The following EBF1 variants were observed in gnomAD, a reference collection of about 807,000 sequenced individuals.
The protein encoded by EBF1 is EBF transcription factor 1.
Under a neutral mutation model 68.4 loss-of-function variants are expected in EBF1, and 10 were observed. The observed-to-expected ratio is 0.15, with a 90% CI of 0.09 to 0.25. EBF1 has a LOEUF of 0.25. EBF1 is among the 10% of genes least tolerant of loss of function. EBF1 has a pLI of 1.00. For missense variants in EBF1, 509 were observed against 794.4 expected, an observed-to-expected ratio of 0.64 and a Z score of 4.32; for synonymous variants, 298 against 299.8, an observed-to-expected ratio of 0.99 and a Z score of 0.06.
chr5:159,002,520 C>G (rs1762740675), intron 6 of EBF1, among the ~76,000 whole-genome samples: 2 of 152,150 alleles, frequency 1.3e-5, no homozygotes, highest in Non-Finnish European at 2.9e-5. Flanking sequence ...AAAGAAATCT[C>G]CACCCTTTTC....
chr5:159,047,825 A>T (rs1772735841), intron 6 of EBF1, among the ~76,000 whole-genome samples: 1 of 152,154 alleles, frequency 6.6e-6, no homozygotes, highest in Non-Finnish European at 1.5e-5. Context: ...GTAAATTCAT[A>T]GAAGCCTGTC....
chr5:159,096,218 G>C (rs1193037103), intron 3 of EBF1, 125 bp downstream of exon 3: 16 of 1,035,714 alleles, frequency 1.5e-5, no homozygotes, highest in Non-Finnish European at 1.4e-6. Flanking sequence ...AGGAGAGGCT[G>C]GTTCACCTCA....
At chr5:158,771,287 C>A (rs1212181961) in intron 10 of EBF1, among the ~76,000 whole-genome samples, 1 of 152,200 alleles carries the variant, frequency 6.6e-6, no homozygotes, top group East Asian at 1.9e-4. Context: ...CATACATTAA[C>A]CCTTTTACTC....
rs137998636 is a variant in EBF1, at chr5:158,909,184, G to A, written c.555-69074C>T. On this transcript the variant is annotated intron_variant, in intron 6 of 15. Transcript: ENST00000313708. ...CAGAAATGTGAGATGTGAAATGCAC[G>A]AAGGTGTTACAAACTGCACTGAGTG... Among the ~76,000 whole-genome samples, 173 of 152,244 alleles carry A rather than the reference G, an allele frequency of 1.1e-3. 1 individual carries two copies. Among genetic ancestry groups the A allele is most frequent in the African/African-American group, 3.9e-3 (162 of 41,556 alleles).
rs1452837080 is a variant in EBF1, at chr5:158,894,145, A to G, written c.555-54035T>C. The stretch of plus-strand genomic sequence containing the variant: ...ATAAAAAATTAACATATCCTTTAAA[A>G]TGTCACTTCCAAGTTCCCAGCAAAC... On this transcript the variant is annotated intron_variant, in intron 6 of 15. Transcript: ENST00000313708. 2.0e-5 allele frequency among the ~76,000 whole-genome samples: 3 copies of G among 152,322 alleles called. No individual in the cohort carries two copies. The East Asian group carries it at 5.8e-4, about 29-fold the overall frequency.
At chr5:158,726,812 G>A (rs1763084395) in intron 11 of EBF1, among the ~76,000 whole-genome samples, 1 of 152,218 alleles carries the variant, frequency 6.6e-6, no homozygotes, top group African/African-American at 2.4e-5. Flanking sequence ...TACCGACCCT[G>A]AGGGCCTGAG....
At chr5:158,712,434 C>G in intron 13 of EBF1, 101 bp from the exon 14 acceptor site, 1 of 1,361,372 alleles carries the variant, frequency 7.3e-7, no homozygotes, top group South Asian at 1.4e-5. Flanking sequence ...GCCCCGTCGC[C>G]GCAACCCAGA....
At chr5:159,054,391 T>C (rs993823944) in intron 6 of EBF1, among the ~76,000 whole-genome samples, 5 of 152,206 alleles carry the variant, frequency 3.3e-5, no homozygotes, top group African/African-American at 1.2e-4. Flanking sequence ...TATTTAACGG[T>C]TGGATAATTT....
intron 6 of EBF1, among the ~76,000 whole-genome samples, chr5:158,907,968 T>C (rs1805024125): frequency 1.3e-5 from 2 of 152,006 alleles, no homozygotes; most frequent in Non-Finnish European, 1.5e-5. Context: ...GAAGTGTAAC[T>C]AATAGCTGTA....
chr5:158,797,539 C>T (rs1052976204), intron 8 of EBF1, among the ~76,000 whole-genome samples: 1 of 152,008 alleles, frequency 6.6e-6, no homozygotes, highest in Non-Finnish European at 1.5e-5. Context: ...GCATTGAAGC[C>T]AATGAGAGCA....
intron 6 of EBF1, among the ~76,000 whole-genome samples, chr5:158,994,038 G>C (rs1434845178): frequency 6.6e-6 from 1 of 152,184 alleles, no homozygotes; most frequent in African/African-American, 2.4e-5. Flanking sequence ...AGATGGGTGA[G>C]TTACTTGGGT....
chr5:158,787,600 G>T (rs1777716167), intron 9 of EBF1, among the ~76,000 whole-genome samples: 1 of 152,170 alleles, frequency 6.6e-6, no homozygotes, highest in African/African-American at 2.4e-5. Context: ...TATGGAGTCA[G>T]GTGGACTTTG....
intron 13 of EBF1, 56 bp from the exon 14 acceptor site, chr5:158,712,389 T>C: frequency 6.3e-7 from 1 of 1,584,972 alleles, no homozygotes; most frequent in Non-Finnish European, 8.6e-7. Context: ...GTGGCAATCC[T>C]GGAAGACTCG....
chr5:158,787,289 T>C (rs1442933530), intron 9 of EBF1, among the ~76,000 whole-genome samples: 2 of 152,220 alleles, frequency 1.3e-5, no homozygotes, highest in African/African-American at 4.8e-5. Context: ...TGTTTGCTTT[T>C]TCGGCTTTCC....
At chr5:159,048,264 T>C (rs887568938) in intron 6 of EBF1, among the ~76,000 whole-genome samples, 1 of 152,210 alleles carries the variant, frequency 6.6e-6, no homozygotes, top group African/African-American at 2.4e-5. Context: ...AAGGATGGAC[T>C]ATCAAGCTTC....
chr5:158,767,699 GA>G (rs371450465), intron 10 of EBF1, among the ~76,000 whole-genome samples: 2 of 151,388 alleles, frequency 1.3e-5, no homozygotes, highest in South Asian at 2.1e-4. Context: ...GAGTTAGGGT[GA>G]AAAAAAAGGT....
rs544962767 is a variant in EBF1 at position 158,696,855 on chromosome 5, TTAAGG to T, written c.*2251_*2255del. The T allele has an allele frequency of 3.0e-4, 60 of 201,876 alleles. No individual in the cohort carries two copies. The East Asian group carries it at 4.3e-3, about 15-fold the overall frequency. 12.5% of individuals were successfully genotyped at this position (201,876 alleles called of 1,614,324 possible). A position where few individuals can be genotyped will look rare whatever the true frequency, so the allele number is the denominator to read the frequency against. On this transcript the variant is annotated 3_prime_UTR_variant, in exon 16 of 16. Coordinates refer to ENST00000313708, the MANE Select transcript of EBF1 (RefSeq NM_024007.5). ...CTCTACTAGAAAAAGTTACATTGTC[TTAAGG>T]TAACAAAACAGTTCTTTTGTGCTTT...
At chr5:159,022,588 C>T (rs932400868) in intron 6 of EBF1, among the ~76,000 whole-genome samples, 1 of 152,098 alleles carries the variant, frequency 6.6e-6, no homozygotes, top group African/African-American at 2.4e-5. Flanking sequence ...AGGGATTAAC[C>T]GTAAAAACAC....
chr5:159,005,831 A>G (rs189961329), intron 6 of EBF1, among the ~76,000 whole-genome samples: 2 of 152,332 alleles, frequency 1.3e-5, no homozygotes. Context: ...TAGAAGTTTC[A>G]CTGCCCTACC....
Sources: gnomAD v4.1 joint callset for allele counts (sites outside exome capture counted in the v4.1 genomes callset) on GRCh38, gnomAD v4.1.1 for gene constraint, MANE v1.5 for transcripts, NCBI Gene and HGNC (gene_info 2026-07-23, HGNC 2026-07-21) for gene names.